ANKRD30B: variants seen among roughly 807,000 people sequenced by gnomAD.
ANKRD30B encodes the protein ankyrin repeat domain 30B.
In ANKRD30B, 144 loss-of-function variants were observed where a neutral mutation model predicts 202.2. The observed-to-expected ratio is 0.71, with a 90% CI of 0.62 to 0.82. The LOEUF (loss-of-function observed/expected upper bound fraction) is 0.82, where lower values mean the gene tolerates loss of function less well. Among genes scored for constraint, ANKRD30B ranks in the 40% least tolerant of loss-of-function variants. The pLI is 0.00. For synonymous variants in ANKRD30B, 508 were observed against 561.3 expected (o/e 0.91, Z 1.34); for missense variants, 1,487 against 1,669.1 (o/e 0.89, Z 1.90).
downstream of ANKRD30B, among the ~76,000 whole-genome samples, chr18:14,858,470 G>A: frequency 1.2e-5 from 1 of 84,032 alleles, no homozygotes; most frequent in East Asian, 3.3e-4. Context: ...TGGGCAGCCA[G>A]GCAGAGGCAC....
At chr18:14,782,680 A>G (rs1212689101) in intron 12 of ANKRD30B, 66 bp downstream of exon 12, 1 of 996,800 alleles carries the variant, frequency 1.0e-6, no homozygotes, top group Non-Finnish European at 1.4e-6. Context: ...TGATGACTGA[A>G]ATACTCTAAT....
At chr18:14,787,535 TG>T (rs1437266344) in intron 15 of ANKRD30B, among the ~76,000 whole-genome samples, 1 of 152,192 alleles carries the variant, frequency 6.6e-6, no homozygotes. Context: ...AGTTAGTGCC[TG>T]GGACTTGAAC....
the ANKRD30B span, among the ~76,000 whole-genome samples, chr18:14,868,589 T>C: frequency 6.6e-6 from 1 of 152,220 alleles, no homozygotes; most frequent in African/African-American, 2.4e-5. Flanking sequence ...CTCAGGAGGG[T>C]GGCTGCTGTG....
chr18:14,770,950 C>T (rs1966962331), intron 8 of ANKRD30B, among the ~76,000 whole-genome samples: 1 of 152,158 alleles, frequency 6.6e-6, no homozygotes. Context: ...TGCTGAGTCA[C>T]ATAGATCTGT....
chr18:14,837,234 T>C lies in ANKRD30B; in HGVS notation c.2871T>C (p.Thr957=), dbSNP rs1274465187. The change falls in exon 35 of 44, where the codon ACT becomes ACC. Residue 957 remains threonine, a synonymous_variant. Coordinates refer to ENST00000690538, the MANE Select transcript of ANKRD30B (RefSeq NM_001367607.2). ...AGGAGGGAGCAACAAAGACAGTAAC[T>C]GGACAACAGGAACGTGATATTGGCA... ...TTKEGATKTV[T]GQQERDIGII... The C allele has an allele frequency of 6.5e-7, 1 of 1,549,026 alleles. No homozygotes were observed. Among genetic ancestry groups the C allele is most frequent in the African/African-American group, 1.4e-5 (1 of 72,986 alleles).
At chr18:14,879,084 C>T in the ANKRD30B span, among the ~76,000 whole-genome samples, 4 of 151,814 alleles carry the variant, frequency 2.6e-5, no homozygotes, top group Non-Finnish European at 4.4e-5. Context: ...GGGGACACCG[C>T]GAAGGCAGAG....
intron 21 of ANKRD30B, 40 bp downstream of exon 21, chr18:14,799,169 T>C: frequency 6.3e-7 from 1 of 1,591,494 alleles, no homozygotes; most frequent in Non-Finnish European, 8.6e-7. Context: ...ATTACCTACA[T>C]ATTTTATGAA....
the ANKRD30B span, among the ~76,000 whole-genome samples, chr18:14,868,654 A>T: frequency 0.12 from 13,853 of 120,278 alleles, no homozygotes; most frequent in African/African-American, 0.3. Flanking sequence ...CCTGTGGAAG[A>T]GGCGAGGCTT....
At chr18:14,837,172 T>C in intron 34 of ANKRD30B, 39 bp from the exon 35 acceptor site, 1 of 1,405,864 alleles carries the variant, frequency 7.1e-7, no homozygotes, top group East Asian at 2.5e-5. Flanking sequence ...TTCTGAAGTT[T>C]TTTTTTTGTG....
At chr18:14,873,701 C>T in the ANKRD30B span, among the ~76,000 whole-genome samples, 1 of 151,988 alleles carries the variant, frequency 6.6e-6, no homozygotes, top group African/African-American at 2.4e-5. Flanking sequence ...GAGATTAAGT[C>T]CTGTATAAAA....
At chr18:14,918,997 C>T in the ANKRD30B span, among the ~76,000 whole-genome samples, 1 of 152,186 alleles carries the variant, frequency 6.6e-6, no homozygotes, top group African/African-American at 2.4e-5. Context: ...AAAGCCCTCA[C>T]CGGATGCTGA....
intron 30 of ANKRD30B, among the ~76,000 whole-genome samples, chr18:14,817,979 T>C (rs917064176): frequency 3.9e-5 from 6 of 152,178 alleles, no homozygotes; most frequent in Non-Finnish European, 7.4e-5. Flanking sequence ...GTCTTCATTA[T>C]TGATCAATCA....
At chr18:14,902,855 G>A in the ANKRD30B span, among the ~76,000 whole-genome samples, 210 of 152,300 alleles carry the variant, frequency 1.4e-3, no homozygotes, top group Non-Finnish European at 2.5e-3. Flanking sequence ...GATACTAGAA[G>A]CTGCAATCTC....
At chr18:14,877,627 C>T in the ANKRD30B span, 4 of 151,830 alleles carry the variant, frequency 2.6e-5, no homozygotes, top group African/African-American at 4.8e-5. Flanking sequence ...ACCATCCCCA[C>T]TGAACAGATG....
At chr18:14,789,372 T>C (rs1282371449) in intron 15 of ANKRD30B, among the ~76,000 whole-genome samples, 2 of 152,180 alleles carry the variant, frequency 1.3e-5, no homozygotes, top group African/African-American at 4.8e-5. Flanking sequence ...TTTCTTTTGC[T>C]GTGCAGAAGC....
the ANKRD30B span, among the ~76,000 whole-genome samples, chr18:14,871,115 T>TCTCACCCACACACCCTCACCCACACACC: frequency 9.1e-5 from 1 of 10,996 alleles, no homozygotes; most frequent in African/African-American, 3.8e-4. Context: ...ACCCACACAC[T>TCTCACCCACACACCCTCACCCACACACC]CTCACCCACA....
chr18:14,928,968 A>C, the ANKRD30B span, among the ~76,000 whole-genome samples: 1 of 152,126 alleles, frequency 6.6e-6, no homozygotes, highest in Non-Finnish European at 1.5e-5. Flanking sequence ...TCTAAACTAG[A>C]ACTATTCCTC....
intron 33 of ANKRD30B, among the ~76,000 whole-genome samples, chr18:14,828,806 A>G (rs1370435799): frequency 1.3e-5 from 2 of 152,210 alleles, no homozygotes; most frequent in Non-Finnish European, 1.5e-5. Flanking sequence ...TTTATCACCA[A>G]CGTTTTTAGA....
At chr18:14,787,462 G>C (rs1274284833) in intron 15 of ANKRD30B, among the ~76,000 whole-genome samples, 1 of 152,146 alleles carries the variant, frequency 6.6e-6, no homozygotes, top group African/African-American at 2.4e-5. Flanking sequence ...ATGTACAAAA[G>C]TTCTAACTGG....
Sources: allele counts gnomAD v4.1 joint callset (sites outside exome capture counted in the v4.1 genomes callset), GRCh38; gene constraint gnomAD v4.1.1; transcripts MANE v1.5; gene names NCBI Gene and HGNC (gene_info 2026-07-23, HGNC 2026-07-21).